The following RALGPS1 variants were observed in gnomAD, a reference collection of about 807,000 sequenced individuals.
RALGPS1 encodes the protein ras-specific guanine nucleotide-releasing factor RalGPS1.
A neutral mutation model predicts 78.8 loss-of-function variants in RALGPS1; 19 were observed. The observed-to-expected ratio is 0.24, with a 90% CI of 0.17 to 0.35. The LOEUF (loss-of-function observed/expected upper bound fraction) is 0.35, where lower values mean the gene tolerates loss of function less well. Ranked by LOEUF, RALGPS1 falls within the 10% of genes least tolerant of loss-of-function variation. The probability of loss-of-function intolerance (pLI) is 1.00; values close to 1 mark genes in which losing one functional copy is unlikely to be tolerated. For missense variants in RALGPS1, 454 were observed against 688.3 expected, an observed-to-expected ratio of 0.66 and a Z score of 3.81; for synonymous variants, 228 against 256.3, an observed-to-expected ratio of 0.89 and a Z score of 1.06.
intron 11 of RALGPS1, among the ~76,000 whole-genome samples, chr9:127,190,857 A>G (rs1319543351): frequency 6.6e-6 from 1 of 152,208 alleles, no homozygotes; most frequent in African/African-American, 2.4e-5. Flanking sequence ...ATAAGCCCCA[A>G]ACTAGAGTTC....
chr9:126,938,574 G>A (rs995144969), intron 1 of RALGPS1, among the ~76,000 whole-genome samples: 11 of 152,172 alleles, frequency 7.2e-5, no homozygotes, highest in Admixed American at 7.2e-4. Context: ...GTGGAAGGGG[G>A]AGGGCGTACA....
chr9:127,163,133 G>C (rs2059114056), intron 8 of RALGPS1, among the ~76,000 whole-genome samples: 1 of 152,168 alleles, frequency 6.6e-6, no homozygotes, highest in African/African-American at 2.4e-5. Context: ...CTCTGAGCCA[G>C]CTGGGCCGAA....
intron 4 of RALGPS1, among the ~76,000 whole-genome samples, chr9:127,033,014 A>G (rs983662601): frequency 6.6e-6 from 1 of 152,248 alleles, no homozygotes; most frequent in African/African-American, 2.4e-5. Context: ...TGAGAATTAC[A>G]TGAGATGACA....
At chr9:126,953,101 C>G (rs558063101) in intron 1 of RALGPS1, among the ~76,000 whole-genome samples, 7 of 152,060 alleles carry the variant, frequency 4.6e-5, no homozygotes, top group Non-Finnish European at 7.4e-5. Context: ...TTCTTGGTTT[C>G]CTGAACCTGA....
At chr9:127,099,648 T>A (rs2053523268) in intron 8 of RALGPS1, among the ~76,000 whole-genome samples, 1 of 152,210 alleles carries the variant, frequency 6.6e-6, no homozygotes, top group Admixed American at 6.5e-5. Context: ...ATCTCATTTA[T>A]CCAGAGGCTT....
Position 127,211,699 on chromosome 9 carries a change from C to T in RALGPS1, c.1248-432C>T, listed in dbSNP as rs1422952153. On this transcript the variant is annotated intron_variant, in intron 14 of 18. Transcript: ENST00000259351. This position sits in a 1 kb window ranked among gnomAD's most constrained non-coding sequence, Gnocchi z 5.0. ...CGTCCCTCCTGTCCCTCCACACCACCTCTTCCCTTCCTCGCTGCTCTCTGA... is the reference window on the plus strand; with the variant it reads ...CGTCCCTCCTGTCCCTCCACACCACTTCTTCCCTTCCTCGCTGCTCTCTGA... Among the ~76,000 whole-genome samples, 1 of 152,154 alleles carries T rather than the reference C, an allele frequency of 6.6e-6. No homozygotes were observed. Among genetic ancestry groups the T allele is most frequent in the Non-Finnish European group, 1.5e-5 (1 of 68,012 alleles).
At chr9:127,066,291 G>T (rs1278659870) in intron 7 of RALGPS1, among the ~76,000 whole-genome samples, 1 of 152,222 alleles carries the variant, frequency 6.6e-6, no homozygotes, top group Non-Finnish European at 1.5e-5. Context: ...GTTCTAGGTT[G>T]TATTAATAAA....
At chr9:127,192,428 A>G (rs1010763243) in intron 11 of RALGPS1, among the ~76,000 whole-genome samples, 10 of 152,248 alleles carry the variant, frequency 6.6e-5, no homozygotes, top group African/African-American at 2.4e-4. Flanking sequence ...CACTTGATGC[A>G]TCTTAGGAAA....
intron 14 of RALGPS1, among the ~76,000 whole-genome samples, chr9:127,209,411 C>A (rs2062112463): frequency 6.6e-6 from 1 of 152,228 alleles, no homozygotes; most frequent in Non-Finnish European, 1.5e-5. Context: ...CTGCACTCCA[C>A]CCCTCTTTCT....
intron 8 of RALGPS1, among the ~76,000 whole-genome samples, chr9:127,118,411 G>A (rs951864994): frequency 6.6e-6 from 1 of 152,194 alleles, no homozygotes; most frequent in African/African-American, 2.4e-5. Context: ...TCTATTTGGG[G>A]TGTTTTATAT....
chr9:127,212,880 C>T lies in RALGPS1; in HGVS notation c.1447-64C>T, dbSNP rs1255497721. Reference sequence around the variant, plus strand: ...GGAGGAAGCCTTGCCTGGCCCACGTCGGCCTCCCTTGTGGAGTGGAGGGCT... The same window carrying T: ...GGAGGAAGCCTTGCCTGGCCCACGTTGGCCTCCCTTGTGGAGTGGAGGGCT... On this transcript the variant is annotated intron_variant, in intron 16 of 18. Coordinates refer to ENST00000259351, the MANE Select transcript of RALGPS1 (RefSeq NM_014636.3). The surrounding 1 kb of genome is among the most constrained non-coding windows in gnomAD (Gnocchi z 6.0). The T allele has an allele frequency of 1.2e-5, 20 of 1,607,824 alleles. No individual in the cohort carries two copies. In the Admixed American group the frequency reaches 1.9e-4, roughly 15 times the overall value.
intron 8 of RALGPS1, chr9:127,088,881 A>C: frequency 6.2e-7 from 1 of 1,600,388 alleles, no homozygotes; most frequent in Non-Finnish European, 8.6e-7. Flanking sequence ...TGCTGTGGCC[A>C]GCGTGACCAG....
At chr9:127,132,659 T>C (rs1224820052) in intron 8 of RALGPS1, among the ~76,000 whole-genome samples, 1 of 152,204 alleles carries the variant, frequency 6.6e-6, no homozygotes, top group Non-Finnish European at 1.5e-5. Context: ...GGACCTGGGT[T>C]TGAACCCTGG....
At chr9:127,047,450 G>A (rs2047902611) in intron 5 of RALGPS1, among the ~76,000 whole-genome samples, 2 of 152,176 alleles carry the variant, frequency 1.3e-5, no homozygotes, top group Non-Finnish European at 2.9e-5. Flanking sequence ...TGTAATCCCA[G>A]CACTTTGGGA....
rs368895319 is a variant in RALGPS1 at position 127,214,007 on chromosome 9, G to A, written c.1553-744G>A. On this transcript the variant is annotated intron_variant, in intron 17 of 18. Coordinates refer to ENST00000259351, the MANE Select transcript of RALGPS1 (RefSeq NM_014636.3). Reference sequence around the variant, plus strand: ...TAAATTACCAAGTTCTCTGCTCCGTGTCTGAGTGACTGAAGCCACATTTGT... The same window carrying A: ...TAAATTACCAAGTTCTCTGCTCCGTATCTGAGTGACTGAAGCCACATTTGT... 5.5e-4 allele frequency: 84 copies of A among 152,336 alleles called. 1 individual carries two copies. Among genetic ancestry groups the A allele is most frequent in the African/African-American group, 2.0e-3 (83 of 41,566 alleles). 9.4% of individuals were successfully genotyped at this position (152,336 alleles called of 1,614,324 possible).
At chr9:127,075,860 A>G (rs1234606815) in intron 8 of RALGPS1, among the ~76,000 whole-genome samples, 3 of 152,220 alleles carry the variant, frequency 2.0e-5, no homozygotes, top group Non-Finnish European at 1.5e-5. Context: ...CTATTCACAT[A>G]TGTGTCTCTT....
intron 8 of RALGPS1, chr9:127,069,875 A>G (rs1230643044): frequency 6.6e-6 from 1 of 152,328 alleles, no homozygotes; most frequent in Non-Finnish European, 1.5e-5. Flanking sequence ...TGATTTGGGC[A>G]TATCTAAAAT....
intron 11 of RALGPS1, chr9:127,184,319 CAGGAA>C: frequency 4.2e-6 from 1 of 239,618 alleles, no homozygotes. Context: ...GACCTTGTCT[CAGGAA>C]AAAAAAAAAA....
At chr9:127,047,191 T>C (rs2047878852) in intron 5 of RALGPS1, among the ~76,000 whole-genome samples, 1 of 152,178 alleles carries the variant, frequency 6.6e-6, no homozygotes. Context: ...TACAAACATA[T>C]GTATAAAGAT....
Sources: gnomAD v4.1 joint callset for allele counts (sites outside exome capture counted in the v4.1 genomes callset) on GRCh38, gnomAD v4.1.1 for gene constraint, Gnocchi (gnomAD v3.1) non-coding constraint, MANE v1.5 for transcripts, NCBI Gene and HGNC (gene_info 2026-07-23, HGNC 2026-07-21) for gene names.